The following RBMS3 variants were observed in gnomAD, a reference collection of about 807,000 sequenced individuals.
RBMS3 encodes the protein RNA-binding motif, single-stranded-interacting protein 3.
RBMS3 carries 27 observed loss-of-function variants against 66.8 expected under a neutral mutation model. That is an observed-to-expected ratio of 0.40 (90% CI 0.30 to 0.56). The LOEUF is 0.56. Ranked by LOEUF, RBMS3 falls within the 20% of genes least tolerant of loss-of-function variation. The pLI, the probability that RBMS3 is intolerant of heterozygous loss-of-function variation, is 0.40. For synonymous variants in RBMS3, 188 were observed against 183.0 expected (o/e 1.03, Z -0.22); for missense variants, 513 against 549.5 (o/e 0.93, Z 0.66).
intron 4 of RBMS3, among the ~76,000 whole-genome samples, chr3:29,598,127 C>T (rs559971115): frequency 8.5e-5 from 13 of 152,136 alleles, no homozygotes; most frequent in South Asian, 6.2e-4. Flanking sequence ...TATCTGGTTT[C>T]GGAAATATCC....
At chr3:29,808,569 T>G (rs1050962327) in intron 6 of RBMS3, among the ~76,000 whole-genome samples, 9 of 151,980 alleles carry the variant, frequency 5.9e-5, no homozygotes, top group Admixed American at 2.6e-4. Context: ...AATACCTGGA[T>G]CAGATCTTCT....
intron 1 of RBMS3, among the ~76,000 whole-genome samples, chr3:29,371,275 A>G (rs2038184976): frequency 6.6e-6 from 1 of 152,234 alleles, no homozygotes; most frequent in Non-Finnish European, 1.5e-5. Context: ...GGGAGAAGGC[A>G]GGTACAAGCC....
intron 8 of RBMS3, among the ~76,000 whole-genome samples, chr3:29,890,972 G>T (rs1053487645): frequency 6.6e-6 from 1 of 151,554 alleles, no homozygotes; most frequent in Non-Finnish European, 1.5e-5. Flanking sequence ...TCTTGCTAGT[G>T]CAGTGACATG....
intron 6 of RBMS3, among the ~76,000 whole-genome samples, chr3:29,819,390 C>G (rs1033261971): frequency 6.6e-6 from 1 of 152,114 alleles, no homozygotes; most frequent in Admixed American, 6.6e-5. Flanking sequence ...TCCAAGAAAA[C>G]TTTATTTACA....
At chr3:29,853,423 CTT>C (rs71091081) in intron 6 of RBMS3, among the ~76,000 whole-genome samples, 1,159 of 84,576 alleles carry the variant, frequency 0.014, 4 homozygotes, top group Non-Finnish European at 0.015. Context: ...AATTTACTTT[CTT>C]TTTTTTTTTT....
At chr3:29,733,641 A>G (rs1246212563) in intron 4 of RBMS3, among the ~76,000 whole-genome samples, 4 of 151,992 alleles carry the variant, frequency 2.6e-5, no homozygotes, top group Non-Finnish European at 5.9e-5. Context: ...TATTTCTCAT[A>G]TATCTGTTGG....
intron 4 of RBMS3, among the ~76,000 whole-genome samples, chr3:29,711,403 G>T (rs1056120132): frequency 6.6e-6 from 1 of 152,086 alleles, no homozygotes; most frequent in African/African-American, 2.4e-5. Flanking sequence ...GAACAAATTT[G>T]GGAAGAGAGT....
At chr3:29,620,067 T>C (rs1008343806) in intron 4 of RBMS3, among the ~76,000 whole-genome samples, 5 of 152,198 alleles carry the variant, frequency 3.3e-5, no homozygotes, top group African/African-American at 9.6e-5. Flanking sequence ...AAAATATTTC[T>C]GTAAGTTAAA....
At chr3:29,935,257 C>T (rs1248150499) in intron 10 of RBMS3, among the ~76,000 whole-genome samples, 2 of 152,134 alleles carry the variant, frequency 1.3e-5, no homozygotes, top group Non-Finnish European at 2.9e-5. Context: ...CCATTCTTCA[C>T]TCACCATATG....
intron 6 of RBMS3, among the ~76,000 whole-genome samples, chr3:29,792,503 A>G (rs2149429354): frequency 6.6e-6 from 1 of 152,312 alleles, no homozygotes; most frequent in South Asian, 2.1e-4. Context: ...CTGTCTTAAA[A>G]AAAGACATCA....
chr3:29,602,274 A>G (rs976969295), intron 4 of RBMS3, among the ~76,000 whole-genome samples: 12 of 152,010 alleles, frequency 7.9e-5, no homozygotes, highest in Admixed American at 5.3e-4. Flanking sequence ...TATATCTTAG[A>G]TGGAGGAAAT....
chr3:29,491,494 T>C (rs2043542025), intron 3 of RBMS3, among the ~76,000 whole-genome samples: 1 of 152,204 alleles, frequency 6.6e-6, no homozygotes, highest in South Asian at 2.1e-4. Context: ...AATACATAGA[T>C]TTTAAATAAA....
chr3:29,392,758 A>G (rs2039359447), intron 1 of RBMS3, among the ~76,000 whole-genome samples: 1 of 152,154 alleles, frequency 6.6e-6, no homozygotes, highest in East Asian at 1.9e-4. Flanking sequence ...TTGCCTTAAT[A>G]TGATTGGTCA....
intron 4 of RBMS3, among the ~76,000 whole-genome samples, chr3:29,631,798 CT>C (rs565237656): frequency 5.1e-4 from 78 of 151,914 alleles, no homozygotes; most frequent in Non-Finnish European, 1.0e-3. Context: ...TGCTAATGAT[CT>C]GTGCAAATTA....
chr3:29,469,312 G>C (rs1473193913), intron 2 of RBMS3, among the ~76,000 whole-genome samples: 1 of 152,022 alleles, frequency 6.6e-6, no homozygotes, highest in Non-Finnish European at 1.5e-5. Context: ...TGGGAAATGT[G>C]TTCTGCATGC....
At chr3:29,759,685 G>A (rs767497043) in intron 5 of RBMS3, among the ~76,000 whole-genome samples, 7 of 148,878 alleles carry the variant, frequency 4.7e-5, no homozygotes, top group Non-Finnish European at 8.9e-5. Flanking sequence ...TTCTTCCTAA[G>A]ATGGCTATTC....
intron 1 of RBMS3, among the ~76,000 whole-genome samples, chr3:29,346,490 G>T (rs771202045): frequency 2.3e-5 from 3 of 128,984 alleles, no homozygotes; most frequent in Non-Finnish European, 4.7e-5. Context: ...TGCAACCTCC[G>T]CCTCCCGGGT....
chr3:29,642,762 G>A (rs1401165989), intron 4 of RBMS3: 1 of 152,164 alleles, frequency 6.6e-6, no homozygotes, highest in Non-Finnish European at 1.5e-5. Context: ...TTGTCTCAGA[G>A]TGGAAGAAAG....
At chr3:29,954,626 G>T (rs1274358122) in intron 12 of RBMS3, among the ~76,000 whole-genome samples, 2 of 151,904 alleles carry the variant, frequency 1.3e-5, no homozygotes, top group Non-Finnish European at 2.9e-5. Context: ...TCAGCCAATG[G>T]TGCTTAAAAC....
Sources: gnomAD v4.1 joint callset for allele counts (sites outside exome capture counted in the v4.1 genomes callset) on GRCh38, gnomAD v4.1.1 for gene constraint, MANE v1.5 for transcripts, NCBI Gene and HGNC (gene_info 2026-07-23, HGNC 2026-07-21) for gene names.